STAT4: variants seen among roughly 807,000 people sequenced by gnomAD.
STAT4 encodes signal transducer and activator of transcription 4.
A neutral mutation model predicts 110.5 loss-of-function variants in STAT4; 42 were observed. That is an observed-to-expected ratio of 0.38 (90% CI 0.30 to 0.49). The LOEUF is 0.49. STAT4 is among the 20% of genes least tolerant of loss of function. The pLI, the probability that STAT4 is intolerant of heterozygous loss-of-function variation, is 0.95. For synonymous variants in STAT4, 284 were observed against 302.2 expected (o/e 0.94, Z 0.63); for missense variants, 632 against 887.9 (o/e 0.71, Z 3.66).
intron 7 of STAT4, 76 bp from the exon 8 acceptor site, chr2:191,065,034 G>C: frequency 7.2e-7 from 1 of 1,384,008 alleles, no homozygotes; most frequent in East Asian, 2.7e-5. Flanking sequence ...AAAACTATTT[G>C]ACCTGGTAGA....
rs550634131 is a variant in STAT4 at position 191,068,187 on chromosome 2, T to G, written c.544+1506A>C. 2.0e-5 allele frequency: 3 copies of G among 152,294 alleles called. No homozygotes were observed. The South Asian group carries it at 6.2e-4, about 32-fold the overall frequency. The allele number at this position is 152,294 out of a possible 1,614,324, so 9.4% of individuals were successfully genotyped here. On this transcript the variant is annotated intron_variant, in intron 6 of 23. Coordinates refer to ENST00000392320, the MANE Select transcript of STAT4 (RefSeq NM_003151.4). ...TGATAAAAATGATCATTTTAATTCA[T>G]AATGGACATGAAGCACTGAAAAAGT...
Position 191,110,363 on chromosome 2 carries a change from C to A in STAT4, c.274-34038G>T, listed in dbSNP as rs1698392041. 6.6e-6 allele frequency among the ~76,000 whole-genome samples: 1 copy of A among 152,166 alleles called. No homozygotes were observed. Among genetic ancestry groups the A allele is most frequent in the South Asian group, 2.1e-4 (1 of 4,826 alleles). ...ATAAGGGACATGGGAGGAGCTAGCA[C>A]TGGGGAATAACATTTGTAAATGTCT... On this transcript the variant is annotated intron_variant, in intron 3 of 23. Coordinates refer to ENST00000392320, the MANE Select transcript of STAT4 (RefSeq NM_003151.4). The surrounding 1 kb of genome is among the most constrained non-coding windows in gnomAD (Gnocchi z 4.5).
At chr2:191,095,167 G>C (rs185607516) in intron 3 of STAT4, among the ~76,000 whole-genome samples, 1 of 152,008 alleles carries the variant, frequency 6.6e-6, no homozygotes, top group Admixed American at 6.6e-5. Flanking sequence ...TTTTAAAGTT[G>C]GAGACTTTAA....
At chr2:191,040,560 T>A (rs1306087599) in intron 15 of STAT4, among the ~76,000 whole-genome samples, 13 of 152,212 alleles carry the variant, frequency 8.5e-5, no homozygotes, top group East Asian at 1.9e-4. Context: ...TTCTTTTATT[T>A]TTTATTTATT....
intron 3 of STAT4, among the ~76,000 whole-genome samples, chr2:191,102,947 G>A (rs1055021018): frequency 8.5e-5 from 13 of 152,208 alleles, no homozygotes; most frequent in Non-Finnish European, 1.8e-4. Context: ...TATCATCCAT[G>A]TTCCATGGTA....
Position 191,053,845 on chromosome 2 carries a change from C to T in STAT4, c.1251+645G>A, listed in dbSNP as rs1000056234. On this transcript the variant is annotated intron_variant, in intron 14 of 23. Transcript: ENST00000392320. This position sits in a 1 kb window ranked among gnomAD's most constrained non-coding sequence, Gnocchi z 4.5. ...TTTAAAATTATGGAAAACTGTTCTC[C>T]GGGCTGGGCACGGTGGCTCACGCCT... is the stretch of plus-strand genomic sequence containing the variant. Among the ~76,000 whole-genome samples the T allele has an allele frequency of 3.9e-5, 6 of 152,088 alleles. No individual in the cohort carries two copies. Among genetic ancestry groups the T allele is most frequent in the East Asian group, 1.9e-4 (1 of 5,196 alleles).
chr2:191,033,347 G>T lies in STAT4; in HGVS notation c.1852+143C>A. ...TTGGAATTCATAGGTACCCTGTTCT[G>T]AGACAACTGCAACTACTAATATTCA... On this transcript the variant is annotated intron_variant, in intron 20 of 23. Transcript: ENST00000392320. The surrounding 1 kb of genome is among the most constrained non-coding windows in gnomAD (Gnocchi z 6.9). 1 of 1,170,068 alleles carries T rather than the reference G, an allele frequency of 8.5e-7. No individual in the cohort carries two copies. The highest frequency in any genetic ancestry group is 1.2e-6 in the Non-Finnish European group (1 of 843,258). The allele number at this position is 1,170,068 out of a possible 1,614,324, so 72.5% of individuals were successfully genotyped here. A position where few individuals can be genotyped will look rare whatever the true frequency, so the allele number is the denominator to read the frequency against.
chr2:191,072,579 ATG>A (rs1697196947), intron 5 of STAT4, among the ~76,000 whole-genome samples: 1 of 152,240 alleles, frequency 6.6e-6, no homozygotes. Context: ...AATGAATGCT[ATG>A]TAAGTTTTGG....
At chr2:191,072,145 C>T (rs1574129154) in intron 5 of STAT4, among the ~76,000 whole-genome samples, 1 of 152,302 alleles carries the variant, frequency 6.6e-6, no homozygotes, top group Non-Finnish European at 1.5e-5. Context: ...ATGTTGGCCT[C>T]TGCTGCATCC....
In STAT4 at chr2:191,135,850, A is replaced by C. The variant is rs762943268; in HGVS notation, c.273+10763T>G. Among the ~76,000 whole-genome samples the C allele has an allele frequency of 1.3e-5, 2 of 152,162 alleles. No homozygotes were observed. Among genetic ancestry groups the C allele is most frequent in the Non-Finnish European group, 2.9e-5 (2 of 68,030 alleles). On this transcript the variant is annotated intron_variant, in intron 3 of 23. Transcript: ENST00000392320. The surrounding 1 kb of genome is among the most constrained non-coding windows in gnomAD (Gnocchi z 4.8). ...TATTCCAAAAAATTGAAGAGGAAGA[A>C]ATTCTCCCTAGCTCGTTCTATGCCA...
Position 191,093,908 on chromosome 2 carries a change from C to T in STAT4, c.274-17583G>A, listed in dbSNP as rs113331069. Among the ~76,000 whole-genome samples, 1,230 of 152,248 alleles carry T rather than the reference C, an allele frequency of 8.1e-3. 18 individuals carry two copies. The highest frequency in any genetic ancestry group is 0.029 in the African/African-American group (1,188 of 41,546). On this transcript the variant is annotated intron_variant, in intron 3 of 23. Transcript: ENST00000392320. ...GAAGACCTTAAATGATCCGATGTTG[C>T]TGAAAACCATGGCATGGGAACCATG...
At chr2:191,126,079 A>C (rs1698872874) in intron 3 of STAT4, among the ~76,000 whole-genome samples, 1 of 152,222 alleles carries the variant, frequency 6.6e-6, no homozygotes, top group East Asian at 1.9e-4. Context: ...TTCAGTCACA[A>C]TTTTAAAGCT....
Position 191,112,682 on chromosome 2 carries a change from GTTA to G in STAT4, c.273+33928_273+33930del, listed in dbSNP as rs1698456335. On this transcript the variant is annotated intron_variant, in intron 3 of 23. Transcript: ENST00000392320. The surrounding 1 kb of genome is among the most constrained non-coding windows in gnomAD (Gnocchi z 4.3). ...CTCATTTTTGACAACTTTGTGAGGT[GTTA>G]TTATTACTCCATTTCTGCAGTGAGG... Among the ~76,000 whole-genome samples the G allele has an allele frequency of 6.6e-6, 1 of 152,162 alleles. No homozygotes were observed. The highest frequency in any genetic ancestry group is 1.5e-5 in the Non-Finnish European group (1 of 68,020).
rs376543467 is a variant in STAT4, at chr2:191,102,149, G to A, written c.274-25824C>T. On this transcript the variant is annotated intron_variant, in intron 3 of 23. Coordinates refer to ENST00000392320, the MANE Select transcript of STAT4 (RefSeq NM_003151.4). ...TGAATTTTGGCAATCAGACATTGGC[G>A]ATGACCTTTAGCAGCAGGATATAAA... Among the ~76,000 whole-genome samples the A allele has an allele frequency of 3.1e-3, 466 of 152,000 alleles. 1 individual carries two copies. The highest frequency in any genetic ancestry group is 0.011 in the African/African-American group (449 of 41,460).
Position 191,033,354 on chromosome 2 carries a change from C to A in STAT4, c.1852+136G>T. 1.7e-6 allele frequency: 2 copies of A among 1,192,464 alleles called. No homozygotes were observed. The highest frequency in any genetic ancestry group is 2.3e-6 in the Non-Finnish European group (2 of 862,874). 73.9% of individuals were successfully genotyped at this position (1,192,464 alleles called of 1,614,324 possible). On this transcript the variant is annotated intron_variant, in intron 20 of 23. Transcript: ENST00000392320. The surrounding 1 kb of genome is among the most constrained non-coding windows in gnomAD (Gnocchi z 6.9). ...TCATAGGTACCCTGTTCTGAGACAA[C>A]TGCAACTACTAATATTCAAGCCCAC...
chr2:191,044,145 TC>T (rs528223125), intron 14 of STAT4, among the ~76,000 whole-genome samples: 1 of 152,072 alleles, frequency 6.6e-6, no homozygotes, highest in South Asian at 2.1e-4. Flanking sequence ...TTTTCAATAG[TC>T]TATAAAAATG....
chr2:191,038,191 G>T (rs1203890818), intron 16 of STAT4, among the ~76,000 whole-genome samples: 1 of 151,372 alleles, frequency 6.6e-6, no homozygotes, highest in African/African-American at 2.4e-5. Context: ...TTAATCTCAG[G>T]GGCATTGGCT....
chr2:191,137,817 A>C (rs1485231835), intron 3 of STAT4, among the ~76,000 whole-genome samples: 1 of 152,094 alleles, frequency 6.6e-6, no homozygotes, highest in African/African-American at 2.4e-5. Context: ...ACACCGAAGA[A>C]TAGAACTGGA....
At position 191,120,165 on chromosome 2, in the gene STAT4, G is replaced by A. The variant is rs551535893; in HGVS notation, c.273+26448C>T. On this transcript the variant is annotated intron_variant, in intron 3 of 23. Transcript: ENST00000392320. The stretch of plus-strand genomic sequence containing the variant: ...TTCTTTAAAAAAAGACACAAAGAAC[G>A]GTAACATTTTAAAAAATTGAAAAAT... Among the ~76,000 whole-genome samples the A allele has an allele frequency of 2.2e-4, 33 of 152,096 alleles. 1 individual carries two copies. Among genetic ancestry groups the A allele is most frequent in the Admixed American group, 3.3e-4 (5 of 15,280 alleles).
Sources: gnomAD v4.1 joint callset for allele counts (sites outside exome capture counted in the v4.1 genomes callset) on GRCh38, gnomAD v4.1.1 for gene constraint, Gnocchi (gnomAD v3.1) non-coding constraint, MANE v1.5 for transcripts, NCBI Gene and HGNC (gene_info 2026-07-23, HGNC 2026-07-21) for gene names.